Variants in R3HDM1 observed in about 807,000 individuals in gnomAD.
R3HDM1 encodes the protein R3H domain containing 1.
In R3HDM1, 46 loss-of-function variants were observed where a neutral mutation model predicts 141.1. That is an observed-to-expected ratio of 0.33 (90% confidence interval 0.26 to 0.42). R3HDM1 has a LOEUF of 0.42. Among genes scored for constraint, R3HDM1 ranks in the 10% least tolerant of loss-of-function variants. The pLI, the probability that R3HDM1 is intolerant of heterozygous loss-of-function variation, is 1.00. For missense variants in R3HDM1, 1,184 were observed against 1,368.3 expected (o/e 0.87, Z 2.12); for synonymous variants, 435 against 472.9 (o/e 0.92, Z 1.04).
chr2:135,689,057 A>T (rs1283452532), intron 21 of R3HDM1, among the ~76,000 whole-genome samples: 1 of 152,186 alleles, frequency 6.6e-6, no homozygotes, highest in Non-Finnish European at 1.5e-5. Flanking sequence ...TGAAATTTCA[A>T]CCCTATATAT....
chr2:135,720,293 C>T (rs1575265674), intron 24 of R3HDM1, among the ~76,000 whole-genome samples: 1 of 152,316 alleles, frequency 6.6e-6, no homozygotes, highest in East Asian at 1.9e-4. Flanking sequence ...GGCATCTTCA[C>T]TGTGTTCACC....
chr2:135,612,992 T>G (rs192772400), intron 3 of R3HDM1, among the ~76,000 whole-genome samples: 1 of 152,374 alleles, frequency 6.6e-6, no homozygotes, highest in East Asian at 1.9e-4. Context: ...TAAATTATGT[T>G]ATTGAACAAT....
intron 7 of R3HDM1, 68 bp from the exon 8 acceptor site, chr2:135,631,650 G>A (rs1349552705): frequency 2.3e-6 from 3 of 1,312,670 alleles, no homozygotes; most frequent in East Asian, 2.5e-5. Context: ...ATAAATCATA[G>A]GCTGTTGACA....
chr2:135,550,295 A>T (rs898988372), intron 1 of R3HDM1: 3 of 911,656 alleles, frequency 3.3e-6, no homozygotes, highest in African/African-American at 3.6e-5. Context: ...TGATATATGG[A>T]AATTTCTTTA....
chr2:135,616,747 A>G lies in R3HDM1; in HGVS notation c.293A>G (p.Gln98Arg). 6.2e-7 allele frequency: 1 copy of G among 1,600,274 alleles called. No individual in the cohort carries two copies. The highest frequency in any genetic ancestry group is 1.1e-5 in the South Asian group (1 of 89,572). Residue 98 changes from glutamine (Q) to arginine (R), a missense_variant, in exon 5 of 27, where the codon CAG (glutamine) becomes CGG (arginine). This residue lies in a region of R3HDM1 where 192 missense variants were observed against 215.7 expected (regional missense o/e 0.89). Coordinates refer to ENST00000683871, the MANE Select transcript of R3HDM1 (RefSeq NM_001378107.1). Reference protein sequence around the residue: ...SPPPPAPEISQENQEKIQIQL... With the variant: ...SPPPPAPEISRENQEKIQIQL... ...CCACCCCCTGCACCAGAGATATCAC[A>G]GGAGAACCAGGTAAAAAAGCAAAAC...
In R3HDM1 at chr2:135,709,364, G is replaced by A. The variant is rs112422219; in HGVS notation, c.2460-69G>A. 2.7e-4 allele frequency: 434 copies of A among 1,591,532 alleles called. 1 individual carries two copies. In the African/African-American group the frequency reaches 4.4e-3, roughly 16 times the overall value. On this transcript the variant is annotated intron_variant, in intron 21 of 26. Coordinates refer to ENST00000683871, the MANE Select transcript of R3HDM1 (RefSeq NM_001378107.1). ...CTGGGATTACAGGCGTGAGCACCGC[G>A]CCCAGCCCATTCAAGAATGTTTATA... is the stretch of plus-strand genomic sequence containing the variant.
intron 3 of R3HDM1, among the ~76,000 whole-genome samples, chr2:135,609,428 T>G (rs1448321769): frequency 2.0e-5 from 3 of 152,244 alleles, no homozygotes; most frequent in African/African-American, 7.2e-5. Context: ...GGAGTTGTTC[T>G]GAATTGTTGA....
intron 21 of R3HDM1, among the ~76,000 whole-genome samples, chr2:135,682,200 AGAG>A: frequency 6.6e-6 from 1 of 151,822 alleles, no homozygotes; most frequent in East Asian, 1.9e-4. Context: ...TTTATTTACC[AGAG>A]AATATTGCCA....
At chr2:135,605,545 T>C (rs2059976343) in intron 3 of R3HDM1, 1 of 152,278 alleles carries the variant, frequency 6.6e-6, no homozygotes. Flanking sequence ...TAAATGGAAA[T>C]TGAGTTGATT....
At chr2:135,555,470 G>A (rs773410645) in intron 1 of R3HDM1, among the ~76,000 whole-genome samples, 1 of 152,162 alleles carries the variant, frequency 6.6e-6, no homozygotes, top group Admixed American at 6.5e-5. Context: ...TGTAAAGGGT[G>A]TGGTCATTTT....
In R3HDM1 at chr2:135,645,494, TCAA is replaced by T. The variant is rs755165036; in HGVS notation, c.1595_1597del (p.Gln532del). The T allele has an allele frequency of 6.2e-7, 1 of 1,614,018 alleles. No homozygotes were observed. Among genetic ancestry groups the T allele is most frequent in the South Asian group, 1.1e-5 (1 of 91,066 alleles). ...CACAGCCACCTCTGCCAGCCCCACC[TCAA>T]CAACCAGCAGCTAATCACATTTTCT... is the stretch of plus-strand genomic sequence containing the variant. On this transcript the variant is annotated inframe_deletion, in exon 16 of 27. Transcript: ENST00000683871.
intron 1 of R3HDM1, among the ~76,000 whole-genome samples, chr2:135,566,437 G>A (rs997180149): frequency 3.9e-5 from 6 of 152,290 alleles, no homozygotes; most frequent in African/African-American, 7.2e-5. Flanking sequence ...ACAAGGCATC[G>A]TTTACATTAT....
rs181019580 is a variant in R3HDM1 at position 135,581,135 on chromosome 2, G to A, written c.-249-21365G>A. 2.4e-5 allele frequency: 23 copies of A among 949,340 alleles called. No individual in the cohort carries two copies. The East Asian group carries it at 2.4e-3, about 101-fold the overall frequency. The allele number at this position is 949,340 out of a possible 1,614,324, so 58.8% of individuals were successfully genotyped here. A position where few individuals can be genotyped will look rare whatever the true frequency, so the allele number is the denominator to read the frequency against. On this transcript the variant is annotated intron_variant, in intron 1 of 26. Coordinates refer to ENST00000683871, the MANE Select transcript of R3HDM1 (RefSeq NM_001378107.1). ...CAGCAGAACCATTTTAAAGGCTGGA[G>A]ACCAGTAAGAAGCCTCTTGGGGAAA...
intron 23 of R3HDM1, among the ~76,000 whole-genome samples, chr2:135,713,300 T>G (rs2075857512): frequency 6.6e-6 from 1 of 152,228 alleles, no homozygotes; most frequent in Non-Finnish European, 1.5e-5. Context: ...ACTTTTCATC[T>G]ATATAATTGG....
Position 135,645,416 on chromosome 2 carries a change from G to A in R3HDM1, c.1512G>A (p.Val504=), listed in dbSNP as rs1163868626. 1.1e-5 allele frequency: 18 copies of A among 1,612,844 alleles called. No individual in the cohort carries two copies. Among genetic ancestry groups the A allele is most frequent in the Non-Finnish European group, 1.4e-5 (16 of 1,178,954 alleles). The change falls in exon 16 of 27, where the codon GTG becomes GTA. Residue 504 remains valine, a synonymous_variant. Transcript: ENST00000683871. Reference sequence around the variant, plus strand: ...TAAACCCAGATGGGAGTCCAGTTGTGTATAATCCTCCTATGACTCAACAAC... The same window carrying A: ...TAAACCCAGATGGGAGTCCAGTTGTATATAATCCTCCTATGACTCAACAAC... ...PFINPDGSPV[V]YNPPMTQQPV...
intron 1 of R3HDM1, among the ~76,000 whole-genome samples, chr2:135,575,203 C>T (rs538812021): frequency 5.9e-5 from 9 of 152,270 alleles, no homozygotes; most frequent in African/African-American, 4.8e-5. Context: ...CAAAATACCT[C>T]GACCCAAACT....
chr2:135,552,553 C>T (rs929761371), intron 1 of R3HDM1, among the ~76,000 whole-genome samples: 3 of 152,160 alleles, frequency 2.0e-5, no homozygotes, highest in African/African-American at 4.8e-5. Context: ...GTGATAGCTT[C>T]ACAATTTCTA....
intron 21 of R3HDM1, among the ~76,000 whole-genome samples, chr2:135,699,488 A>C (rs1353979020): frequency 6.6e-6 from 1 of 152,198 alleles, no homozygotes; most frequent in Non-Finnish European, 1.5e-5. Flanking sequence ...AGAGGATTTC[A>C]TGGGCAGTAA....
intron 11 of R3HDM1, among the ~76,000 whole-genome samples, chr2:135,638,050 G>A (rs1025849992): frequency 2.0e-5 from 3 of 152,190 alleles, no homozygotes; most frequent in African/African-American, 7.2e-5. Flanking sequence ...ACATCAGGGA[G>A]CCATTCAAGT....
Sources: gnomAD v4.1 joint callset for allele counts (sites outside exome capture counted in the v4.1 genomes callset) on GRCh38, gnomAD v4.1.1 for gene constraint, gnomAD v4.1.1 regional missense constraint, MANE v1.5 for transcripts, NCBI Gene and HGNC (gene_info 2026-07-23, HGNC 2026-07-21) for gene names.